Variants in BAZ2B observed in about 807,000 individuals in gnomAD.
The protein encoded by BAZ2B is bromodomain adjacent to zinc finger domain 2B.
BAZ2B carries 91 observed loss-of-function variants against 246.0 expected under a neutral mutation model. That is an observed-to-expected ratio of 0.37 (90% CI 0.31 to 0.44). The LOEUF is 0.44. Ranked by LOEUF, BAZ2B falls within the 20% of genes least tolerant of loss-of-function variation. BAZ2B has a pLI of 1.00. For missense variants in BAZ2B, 2,332 were observed against 2,533.7 expected (o/e 0.92, Z 1.71); for synonymous variants, 855 against 860.0 (o/e 0.99, Z 0.10).
At chr2:159,573,254 T>A (rs1184282483) in intron 1 of BAZ2B, among the ~76,000 whole-genome samples, 1 of 152,196 alleles carries the variant, frequency 6.6e-6, no homozygotes, top group Non-Finnish European at 1.5e-5. Flanking sequence ...ACTTTCTGAT[T>A]TCAATTTACT....
intron 3 of BAZ2B, among the ~76,000 whole-genome samples, chr2:159,473,176 T>C (rs1357284277): frequency 2.0e-5 from 3 of 152,122 alleles, no homozygotes; most frequent in Admixed American, 6.5e-5. Context: ...CTGGTAGAAT[T>C]TGGCTGTGAA....
At chr2:159,366,999 A>G (rs2060287660) in intron 27 of BAZ2B, among the ~76,000 whole-genome samples, 1 of 152,146 alleles carries the variant, frequency 6.6e-6, no homozygotes, top group Non-Finnish European at 1.5e-5. Flanking sequence ...CCCAAGACCC[A>G]TCAGCAAACC....
chr2:159,634,844 C>T, the BAZ2B span, among the ~76,000 whole-genome samples: 1 of 152,304 alleles, frequency 6.6e-6, no homozygotes, highest in East Asian at 1.9e-4. Context: ...ACACCCCTAG[C>T]CTGAATGACT....
chr2:159,418,235 T>C (rs757369333), intron 13 of BAZ2B, among the ~76,000 whole-genome samples: 24 of 152,226 alleles, frequency 1.6e-4, no homozygotes, highest in Non-Finnish European at 2.6e-4. Flanking sequence ...AAAATATTTC[T>C]TTTTAGTGAG....
the BAZ2B span, among the ~76,000 whole-genome samples, chr2:159,652,015 GT>G: frequency 6.6e-6 from 1 of 151,836 alleles, no homozygotes; most frequent in Non-Finnish European, 1.5e-5. Flanking sequence ...TCATATACAC[GT>G]TTTTTGTGTG....
chr2:159,559,027 C>G (rs1025505038), intron 1 of BAZ2B, among the ~76,000 whole-genome samples: 3 of 151,996 alleles, frequency 2.0e-5, no homozygotes, highest in African/African-American at 7.3e-5. Context: ...ATTGCTTGAG[C>G]CCATGAGTTC....
intron 12 of BAZ2B, 105 bp from the exon 13 acceptor site, chr2:159,428,147 G>A: frequency 8.5e-7 from 1 of 1,178,298 alleles, no homozygotes; most frequent in Non-Finnish European, 1.2e-6. Context: ...TCTATCAAGG[G>A]GCTCTAAATT....
At chr2:159,510,644 A>G (rs35019796) in intron 2 of BAZ2B, among the ~76,000 whole-genome samples, 39,449 of 152,076 alleles carry the variant, frequency 0.26, 5,236 homozygotes, top group South Asian at 0.37. Flanking sequence ...CTGCAATGTA[A>G]AAAAAATGTA....
intron 3 of BAZ2B, chr2:159,463,065 G>C (rs2076605085): frequency 9.7e-6 from 7 of 718,266 alleles, no homozygotes. Flanking sequence ...CCATCTTCAC[G>C]GGTGTGAACT....
At chr2:159,648,286 T>A in the BAZ2B span, among the ~76,000 whole-genome samples, 1 of 152,008 alleles carries the variant, frequency 6.6e-6, no homozygotes, top group East Asian at 1.9e-4. Context: ...TACACGCACA[T>A]GCCACCATGC....
chr2:159,704,166 GT>G, the BAZ2B span, among the ~76,000 whole-genome samples: 1 of 152,174 alleles, frequency 6.6e-6, no homozygotes, highest in East Asian at 1.9e-4. Flanking sequence ...AAAAAATACG[GT>G]TATTTGAGAA....
chr2:159,419,654 T>C (rs2068389137), intron 13 of BAZ2B: 1 of 152,240 alleles, frequency 6.6e-6, no homozygotes, highest in Non-Finnish European at 1.5e-5. Context: ...CTGACTATGC[T>C]TTCTACTTAC....
chr2:159,477,805 G>A (rs928384892), intron 3 of BAZ2B, among the ~76,000 whole-genome samples: 1 of 152,128 alleles, frequency 6.6e-6, no homozygotes, highest in Admixed American at 6.5e-5. Context: ...CCTAATTAAA[G>A]AAAATTGAGG....
At chr2:159,519,210 C>CTTT (rs564614568) in intron 2 of BAZ2B, among the ~76,000 whole-genome samples, 736 of 57,762 alleles carry the variant, frequency 0.013, 145 homozygotes, top group African/African-American at 0.034. Context: ...ATTCTATTTT[C>CTTT]TTTTTTTTTT....
At chr2:159,485,761 A>G (rs945339177) in intron 2 of BAZ2B, among the ~76,000 whole-genome samples, 2 of 152,104 alleles carry the variant, frequency 1.3e-5, no homozygotes, top group Non-Finnish European at 1.5e-5. Flanking sequence ...ATATTTAACA[A>G]TTTAATTCCA....
chr2:159,514,922 A>C (rs532698598), intron 2 of BAZ2B, among the ~76,000 whole-genome samples: 7 of 152,262 alleles, frequency 4.6e-5, no homozygotes, highest in African/African-American at 1.7e-4. Context: ...TAACCTTTAG[A>C]ATCTCCTCAG....
Position 159,404,950 on chromosome 2 carries a change from T to G in BAZ2B, c.2771-40A>C, listed in dbSNP as rs377030354. The G allele has an allele frequency of 5.0e-6, 8 of 1,611,654 alleles. No homozygotes were observed. The Admixed American group carries it at 1.3e-4, about 27-fold the overall frequency. ...AGGATAGATATCATCAAAAAGGGAATGAAGAAAAGAAAACTCTTATGAATT... is the reference window on the plus strand; with the variant it reads ...AGGATAGATATCATCAAAAAGGGAAGGAAGAAAAGAAAACTCTTATGAATT... On this transcript the variant is annotated intron_variant, in intron 15 of 36. Coordinates refer to ENST00000392783, the MANE Select transcript of BAZ2B (RefSeq NM_013450.4).
At chr2:159,400,817 G>A (rs1006260889) in intron 16 of BAZ2B, among the ~76,000 whole-genome samples, 153 bp from the exon 17 acceptor site, 1 of 152,134 alleles carries the variant, frequency 6.6e-6, no homozygotes, top group Non-Finnish European at 1.5e-5. Flanking sequence ...AAGGTGGGCG[G>A]ATCACAAGGT....
chr2:159,403,176 G>T (rs892892479), intron 16 of BAZ2B, among the ~76,000 whole-genome samples: 8 of 151,894 alleles, frequency 5.3e-5, no homozygotes, highest in Non-Finnish European at 1.0e-4. Flanking sequence ...TAGATCAAAT[G>T]CTGACTTTAA....
Sources: gnomAD v4.1 joint callset for allele counts (sites outside exome capture counted in the v4.1 genomes callset) on GRCh38, gnomAD v4.1.1 for gene constraint, MANE v1.5 for transcripts, NCBI Gene and HGNC (gene_info 2026-07-23, HGNC 2026-07-21) for gene names.